The following ROBO2 variants were observed in gnomAD, a reference collection of about 807,000 sequenced individuals.
ROBO2 encodes the protein roundabout guidance receptor 2.
ROBO2 carries 53 observed loss-of-function variants against 160.8 expected under a neutral mutation model. The ratio of observed to expected loss-of-function variants is 0.33; its 90% CI spans 0.26 to 0.41. The LOEUF (loss-of-function observed/expected upper bound fraction) is 0.41. ROBO2 is among the 10% of genes least tolerant of loss of function. The pLI, the probability that ROBO2 is intolerant of heterozygous loss-of-function variation, is 1.00. For synonymous variants in ROBO2, 664 were observed against 611.7 expected, an observed-to-expected ratio of 1.09 and a Z score of -1.26; for missense variants, 1,577 against 1,722.4, an observed-to-expected ratio of 0.92 and a Z score of 1.49.
chr3:75,968,562 G>A (rs1418851333), intron 2 of ROBO2, among the ~76,000 whole-genome samples: 2 of 151,332 alleles, frequency 1.3e-5, no homozygotes, highest in East Asian at 2.0e-4. Context: ...ATCCATCACC[G>A]TCCATAGTTA....
At chr3:76,093,607 C>T (rs1391656499) in intron 2 of ROBO2, among the ~76,000 whole-genome samples, 1 of 150,554 alleles carries the variant, frequency 6.6e-6, no homozygotes, top group African/African-American at 2.4e-5. Context: ...TCTCCAACCT[C>T]ATTCTTTTTA....
At chr3:76,552,720 C>T (rs968526067) in intron 2 of ROBO2, among the ~76,000 whole-genome samples, 4 of 152,064 alleles carry the variant, frequency 2.6e-5, no homozygotes, top group African/African-American at 9.7e-5. Context: ...TTTGAGTGGA[C>T]CCCAGAGAAG....
chr3:77,070,958 G>C (rs2067346662), intron 1 of ROBO2, among the ~76,000 whole-genome samples: 1 of 152,102 alleles, frequency 6.6e-6, no homozygotes, highest in Admixed American at 6.5e-5. Flanking sequence ...ATATACACCA[G>C]GGTGTAATGA....
chr3:77,324,693 A>C (rs2065183663), intron 2 of ROBO2, among the ~76,000 whole-genome samples: 1 of 151,014 alleles, frequency 6.6e-6, no homozygotes, highest in South Asian at 2.1e-4. Flanking sequence ...GAGGCAGGAG[A>C]ATGGCGTGAA....
At chr3:76,114,773 T>A (rs139411563) in intron 2 of ROBO2, among the ~76,000 whole-genome samples, 2 of 152,220 alleles carry the variant, frequency 1.3e-5, no homozygotes, top group East Asian at 3.9e-4. Flanking sequence ...CTCAGAAAAA[T>A]AATTTCTCTG....
intron 2 of ROBO2, among the ~76,000 whole-genome samples, chr3:76,453,861 AT>A (rs1195191187): frequency 6.6e-6 from 1 of 152,136 alleles, no homozygotes; most frequent in Non-Finnish European, 1.5e-5. Context: ...TTAAAGCTTG[AT>A]TCCTGAACAG....
chr3:76,685,038 GA>G lies in ROBO2; in HGVS notation c.110-412972del, dbSNP rs564131526. ...AAAAAAATTCCCCCACCCCCAGAAG[GA>G]AAAGTCTCTACATAGGACATTTTTT... On this transcript the variant is annotated intron_variant, in intron 2 of 26. Coordinates refer to the ROBO2 transcript ENST00000487694. 9.2e-4 allele frequency among the ~76,000 whole-genome samples: 139 copies of G among 151,636 alleles called. 1 individual carries two copies. The highest frequency in any genetic ancestry group is 8.5e-3 in the Admixed American group (129 of 15,214).
At chr3:76,473,300 C>G (rs2078763760) in intron 2 of ROBO2, among the ~76,000 whole-genome samples, 1 of 152,156 alleles carries the variant, frequency 6.6e-6, no homozygotes, top group Admixed American at 6.6e-5. Flanking sequence ...AGTGCTCCAA[C>G]TCAACAAGCC....
intron 2 of ROBO2, among the ~76,000 whole-genome samples, chr3:76,582,472 C>G (rs548291163): frequency 6.6e-6 from 1 of 152,142 alleles, no homozygotes; most frequent in South Asian, 2.1e-4. Context: ...TCAGCCATAA[C>G]TGTACACATA....
chr3:76,622,203 G>A (rs1286345409), intron 2 of ROBO2, among the ~76,000 whole-genome samples: 16 of 26,806 alleles, frequency 6.0e-4, no homozygotes, highest in East Asian at 4.5e-3. Flanking sequence ...AGGAAGGAAG[G>A]AAGGAAGGAA....
chr3:77,293,272 A>C (rs975285913), intron 2 of ROBO2, among the ~76,000 whole-genome samples: 1 of 151,576 alleles, frequency 6.6e-6, no homozygotes, highest in South Asian at 2.1e-4. Context: ...AGGTAAGCTG[A>C]GGCTAGATCA....
chr3:76,714,225 C>G (rs1336892327), intron 2 of ROBO2, among the ~76,000 whole-genome samples: 2 of 152,008 alleles, frequency 1.3e-5, no homozygotes, highest in African/African-American at 4.8e-5. Context: ...TAGATATAAC[C>G]TTGAGCATAA....
At chr3:77,141,267 G>C (rs1486481841) in intron 2 of ROBO2, among the ~76,000 whole-genome samples, 1 of 151,564 alleles carries the variant, frequency 6.6e-6, no homozygotes, top group East Asian at 1.9e-4. Flanking sequence ...ATGCTAAGAT[G>C]GGATGTACAT....
chr3:76,203,771 C>T (rs1001121582), intron 2 of ROBO2, among the ~76,000 whole-genome samples: 8 of 148,326 alleles, frequency 5.4e-5, no homozygotes, highest in East Asian at 2.0e-4. Flanking sequence ...CTCAGGCTAG[C>T]GGCTTCCCGG....
At chr3:76,254,352 G>A (rs1419847836) in intron 2 of ROBO2, among the ~76,000 whole-genome samples, 1 of 152,074 alleles carries the variant, frequency 6.6e-6, no homozygotes, top group Non-Finnish European at 1.5e-5. Flanking sequence ...TGAGTAGGCA[G>A]CAAAAGCTAT....
At chr3:77,095,004 A>G (rs960597543) in intron 1 of ROBO2, among the ~76,000 whole-genome samples, 2 of 152,176 alleles carry the variant, frequency 1.3e-5, no homozygotes, top group Admixed American at 6.5e-5. Context: ...TTCAAGCACA[A>G]GTATTTAAAA....
chr3:76,503,776 G>A (rs2080612863), intron 2 of ROBO2, among the ~76,000 whole-genome samples: 1 of 152,166 alleles, frequency 6.6e-6, no homozygotes, highest in South Asian at 2.1e-4. Flanking sequence ...GAGTCAAACG[G>A]TGATTAGTGG....
intron 2 of ROBO2, among the ~76,000 whole-genome samples, chr3:76,626,953 G>GTGC (rs1188245263): frequency 6.6e-6 from 1 of 152,216 alleles, no homozygotes; most frequent in East Asian, 1.9e-4. Context: ...GCCTCCCAAA[G>GTGC]TGCTGGGATT....
At chr3:77,317,483 T>C in intron 2 of ROBO2, 1 of 1,524,174 alleles carries the variant, frequency 6.6e-7, no homozygotes, top group Non-Finnish European at 9.0e-7. Flanking sequence ...AGCCTGAGCT[T>C]GTAAACTCCG....
Sources: allele counts gnomAD v4.1 joint callset (sites outside exome capture counted in the v4.1 genomes callset), GRCh38; gene constraint gnomAD v4.1.1; transcripts MANE v1.5; gene names NCBI Gene and HGNC (gene_info 2026-07-23, HGNC 2026-07-21).